Variants in PTPRZ1 observed in about 807,000 individuals in gnomAD.
PTPRZ1 encodes the protein receptor-type tyrosine-protein phosphatase zeta.
PTPRZ1 carries 82 observed loss-of-function variants against 214.1 expected under a neutral mutation model. The observed-to-expected ratio is 0.38, with a 90% CI of 0.32 to 0.46. The LOEUF is 0.46. Ranked by LOEUF, PTPRZ1 falls within the 20% of genes least tolerant of loss-of-function variation. The pLI is 1.00. For synonymous variants in PTPRZ1, 945 were observed against 987.9 expected (o/e 0.96, Z 0.81); for missense variants, 2,603 against 2,748.7 (o/e 0.95, Z 1.19).
chr7:121,982,133 C>T (rs948317611), intron 6 of PTPRZ1, among the ~76,000 whole-genome samples: 1 of 152,132 alleles, frequency 6.6e-6, no homozygotes, highest in Non-Finnish European at 1.5e-5. Flanking sequence ...ATTGATATAG[C>T]ACTGTTTATT....
chr7:121,904,895 C>A (rs947188898), intron 1 of PTPRZ1, among the ~76,000 whole-genome samples: 2 of 152,128 alleles, frequency 1.3e-5, no homozygotes, highest in African/African-American at 2.4e-5. Flanking sequence ...ATTAGGTAAT[C>A]TACAATCTTT....
At chr7:121,996,866 G>A (rs1798158439) in intron 9 of PTPRZ1, among the ~76,000 whole-genome samples, 1 of 152,096 alleles carries the variant, frequency 6.6e-6, no homozygotes, top group South Asian at 2.1e-4. Context: ...TAAGATTTCA[G>A]TTGTAGAATA....
intron 23 of PTPRZ1, among the ~76,000 whole-genome samples, chr7:122,050,825 T>C (rs1389590760): frequency 6.6e-6 from 1 of 152,154 alleles, no homozygotes; most frequent in Non-Finnish European, 1.5e-5. Context: ...CTATTTTTCA[T>C]TTACCCGACT....
chr7:121,975,663 T>C (rs1037584043), intron 4 of PTPRZ1, among the ~76,000 whole-genome samples: 4 of 152,196 alleles, frequency 2.6e-5, no homozygotes, highest in Non-Finnish European at 4.4e-5. Context: ...TACAGAGAGA[T>C]ACATATATGG....
chr7:121,985,592 A>T (rs1430555354), intron 8 of PTPRZ1, among the ~76,000 whole-genome samples: 1 of 152,172 alleles, frequency 6.6e-6, no homozygotes, highest in Non-Finnish European at 1.5e-5. Flanking sequence ...TTCCCCATTG[A>T]TGGCATATTC....
chr7:121,971,612 C>G (rs1797251937), intron 3 of PTPRZ1, among the ~76,000 whole-genome samples: 2 of 152,152 alleles, frequency 1.3e-5, no homozygotes, highest in Non-Finnish European at 2.9e-5. Context: ...AAGGTTTATA[C>G]AGTATCTACT....
chr7:122,040,140 C>T (rs1799677783), intron 20 of PTPRZ1, among the ~76,000 whole-genome samples: 1 of 152,128 alleles, frequency 6.6e-6, no homozygotes, highest in Admixed American at 6.5e-5. Context: ...AAATTCCTAC[C>T]TTGTGTGGCA....
chr7:121,902,883 T>G (rs1358595731), intron 1 of PTPRZ1, among the ~76,000 whole-genome samples: 1 of 152,148 alleles, frequency 6.6e-6, no homozygotes, highest in East Asian at 1.9e-4. Flanking sequence ...CTTATAATAC[T>G]GCTTTCTGTA....
intron 12 of PTPRZ1, among the ~76,000 whole-genome samples, chr7:122,018,513 A>AT (rs71530085): frequency 0.048 from 6,899 of 145,198 alleles, 171 homozygotes; most frequent in African/African-American, 0.066. Context: ...CTGAAATTGC[A>AT]TTTTTTTTTT....
intron 15 of PTPRZ1, among the ~76,000 whole-genome samples, chr7:122,032,330 A>G (rs1799404132): frequency 1.3e-5 from 2 of 152,218 alleles, no homozygotes; most frequent in Admixed American, 1.3e-4. Flanking sequence ...ATTTCTATTC[A>G]TATTATTGAT....
At chr7:122,004,978 C>T (rs147170057) in intron 11 of PTPRZ1, among the ~76,000 whole-genome samples, 69 of 151,924 alleles carry the variant, frequency 4.5e-4, no homozygotes, top group Non-Finnish European at 8.4e-4. Flanking sequence ...TTTTAGTCTC[C>T]AAATTTTTCT....
intron 1 of PTPRZ1, among the ~76,000 whole-genome samples, chr7:121,925,975 T>A (rs1795743716): frequency 6.6e-6 from 1 of 152,066 alleles, no homozygotes; most frequent in Non-Finnish European, 1.5e-5. Context: ...AGTTACCAAG[T>A]GGCTACTAAA....
intron 21 of PTPRZ1, 64 bp from the exon 22 acceptor site, chr7:122,042,544 A>G: frequency 6.8e-7 from 1 of 1,463,558 alleles, no homozygotes; most frequent in Non-Finnish European, 9.2e-7. Context: ...ACCAGTAGTG[A>G]TCTATTTTTC....
chr7:121,885,901 T>G (rs1794380682), intron 1 of PTPRZ1, among the ~76,000 whole-genome samples: 2 of 152,142 alleles, frequency 1.3e-5, no homozygotes, highest in Admixed American at 1.3e-4. Flanking sequence ...CAAGCAAAGA[T>G]CAAATATTCA....
intron 1 of PTPRZ1, among the ~76,000 whole-genome samples, chr7:121,888,763 GTAAT>G (rs1482470513): frequency 1.3e-5 from 2 of 152,118 alleles, no homozygotes; most frequent in African/African-American, 4.8e-5. Flanking sequence ...TCTGAGGAAA[GTAAT>G]TACAGTGCTC....
chr7:122,018,542 G>A (rs1365495674), intron 12 of PTPRZ1, among the ~76,000 whole-genome samples: 2 of 150,008 alleles, frequency 1.3e-5, no homozygotes, highest in African/African-American at 2.5e-5. Context: ...ATAAAACAAT[G>A]GGTAAGAAGA....
intron 2 of PTPRZ1, among the ~76,000 whole-genome samples, chr7:121,944,612 G>C (rs1453056334): frequency 6.6e-6 from 1 of 151,210 alleles, no homozygotes; most frequent in Non-Finnish European, 1.5e-5. Context: ...AACCCCACAG[G>C]ACAAATTATT....
At chr7:122,039,425 A>T in intron 19 of PTPRZ1, 29 bp from the exon 20 acceptor site, 1 of 1,605,338 alleles carries the variant, frequency 6.2e-7, no homozygotes, top group Non-Finnish European at 8.5e-7. Context: ...TTTGAAATAC[A>T]GAAGTAACAT....
chr7:121,935,417 G>C (rs560857090), intron 2 of PTPRZ1, among the ~76,000 whole-genome samples: 4 of 152,110 alleles, frequency 2.6e-5, no homozygotes, highest in Non-Finnish European at 5.9e-5. Flanking sequence ...GTCTGAGCTG[G>C]AACTGTCTGG....
Sources: allele counts gnomAD v4.1 joint callset (sites outside exome capture counted in the v4.1 genomes callset), GRCh38; gene constraint gnomAD v4.1.1; transcripts MANE v1.5; gene names NCBI Gene and HGNC (gene_info 2026-07-23, HGNC 2026-07-21).